The following PSKH1 variants were observed in gnomAD, a reference collection of about 807,000 sequenced individuals.
The protein encoded by PSKH1 is protein serine kinase H1.
In PSKH1, 12 loss-of-function variants were observed where a neutral mutation model predicts 26.7. The observed-to-expected ratio is 0.45, with a 90% CI of 0.29 to 0.73. PSKH1 has a LOEUF of 0.73. Among genes scored for constraint, PSKH1 ranks in the 30% least tolerant of loss-of-function variants. The pLI is 0.11. For synonymous variants in PSKH1, 213 were observed against 234.3 expected (o/e 0.91, Z 0.83); for missense variants, 431 against 595.2 (o/e 0.72, Z 2.87).
intron 1 of PSKH1, among the ~76,000 whole-genome samples, chr16:67,899,267 T>TC (rs974063139): frequency 1.2e-4 from 19 of 152,104 alleles, no homozygotes; most frequent in African/African-American, 4.1e-4. Context: ...TCTTGCCTCT[T>TC]CAACATTTCT....
chr16:67,900,486 C>T (rs2058138574), intron 1 of PSKH1, among the ~76,000 whole-genome samples: 1 of 152,158 alleles, frequency 6.6e-6, no homozygotes, highest in African/African-American at 2.4e-5. Context: ...TTCACCAACT[C>T]AGTGGCATGG....
At chr16:67,899,496 G>A (rs563268448) in intron 1 of PSKH1, among the ~76,000 whole-genome samples, 73 of 149,824 alleles carry the variant, frequency 4.9e-4, no homozygotes, top group East Asian at 3.0e-3. Context: ...CCACCACACC[G>A]GGCTAATTTT....
chr16:67,914,195 G>A (rs917809712), intron 2 of PSKH1, among the ~76,000 whole-genome samples: 1 of 152,132 alleles, frequency 6.6e-6, no homozygotes, highest in African/African-American at 2.4e-5. Flanking sequence ...TGTTGCCCAG[G>A]CTGGAGTGCA....
chr16:67,901,322 C>T (rs972332328), intron 1 of PSKH1, among the ~76,000 whole-genome samples: 5 of 152,066 alleles, frequency 3.3e-5, no homozygotes, highest in Non-Finnish European at 7.3e-5. Flanking sequence ...TGCCGACTGA[C>T]TTTATTTTGT....
In PSKH1 at chr16:67,909,243, A is replaced by G. The variant is rs751693739; in HGVS notation, c.494A>G (p.Gln165Arg). 5.0e-6 allele frequency: 8 copies of G among 1,614,142 alleles called. 1 individual carries two copies. The East Asian group carries it at 1.3e-4, about 27-fold the overall frequency. ...CAGCTGGTGGAGGTGTTCGAGACAC[A>G]GGAGCGGGTGTACATGGTGATGGAG... Reference protein sequence around the residue: ...IIQLVEVFETQERVYMVMELA... With the variant: ...IIQLVEVFETRERVYMVMELA... The change falls in exon 2 of 3, where the codon CAG (glutamine) becomes CGG (arginine). Residue 165 changes from glutamine (Q) to arginine (R), a missense_variant. Transcript: ENST00000291041. This position sits in a 1 kb window ranked among gnomAD's most constrained non-coding sequence, Gnocchi z 7.8.
chr16:67,923,525 A>G (rs925214736), intron 2 of PSKH1, among the ~76,000 whole-genome samples: 6 of 152,212 alleles, frequency 3.9e-5, no homozygotes, highest in Admixed American at 6.5e-5. Flanking sequence ...CACCCTGGGT[A>G]TGGAAGCTGT....
At chr16:67,921,798 T>C (rs1357407244) in intron 2 of PSKH1, among the ~76,000 whole-genome samples, 1 of 152,142 alleles carries the variant, frequency 6.6e-6, no homozygotes, top group Non-Finnish European at 1.5e-5. Flanking sequence ...AATAGCATCC[T>C]TCTCGATCTT....
Position 67,922,083 on chromosome 16 carries a change from C to A in PSKH1, c.958-5242C>A, listed in dbSNP as rs186512243. Among the ~76,000 whole-genome samples, 34 of 152,088 alleles carry A rather than the reference C, an allele frequency of 2.2e-4. No individual in the cohort carries two copies. The East Asian group carries it at 6.6e-3, about 29-fold the overall frequency. ...CTTCCCTTTTCTGTTGCTTGCCCCT[C>A]ACCCGCCCTCTGCCGAGTCCCAGGG... On this transcript the variant is annotated intron_variant, in intron 2 of 2. Coordinates refer to ENST00000291041, the MANE Select transcript of PSKH1 (RefSeq NM_006742.3).
In PSKH1 at chr16:67,911,334, C is replaced by T. The variant is rs181228469; in HGVS notation, c.957+1628C>T. On this transcript the variant is annotated intron_variant, in intron 2 of 2. Transcript: ENST00000291041. ...CTTCCTTCTGTGGCCCAGCTTTCCT[C>T]CCAGGGGTGTGGGCTGGGCCTTTTC... Among the ~76,000 whole-genome samples the T allele has an allele frequency of 1.3e-3, 196 of 152,324 alleles. 2 individuals are homozygous for T. Among genetic ancestry groups the T allele is most frequent in the Middle Eastern group, 0.01 (3 of 294 alleles).
chr16:67,896,227 GCCT>G (rs1213817515), intron 1 of PSKH1, among the ~76,000 whole-genome samples: 1 of 151,732 alleles, frequency 6.6e-6, no homozygotes, highest in Non-Finnish European at 1.5e-5. Flanking sequence ...TCCTGTCTCA[GCCT>G]CCTCAGTAGC....
chr16:67,908,640 T>G, intron 1 of PSKH1, 40 bp from the exon 2 acceptor site: 1 of 926,492 alleles, frequency 1.1e-6, no homozygotes, highest in East Asian at 2.6e-5. Context: ...TTCCTTAGAG[T>G]TGGCCTGGCT....
chr16:67,910,723 G>A (rs35662882), intron 2 of PSKH1, among the ~76,000 whole-genome samples: 3,093 of 152,264 alleles, frequency 0.02, 43 homozygotes, highest in Middle Eastern at 0.034. Context: ...GCCTGGTCTC[G>A]AACTCCAGAC....
chr16:67,925,231 C>G (rs1475727820), intron 2 of PSKH1, among the ~76,000 whole-genome samples: 2 of 150,656 alleles, frequency 1.3e-5, no homozygotes, highest in Non-Finnish European at 2.9e-5. Context: ...GAGTCTCGCT[C>G]TGTTGCCAGG....
Position 67,909,551 on chromosome 16 carries a change from G to A in PSKH1, c.802G>A (p.Val268Ile), listed in dbSNP as rs1008475522. 1.9e-6 allele frequency: 3 copies of A among 1,613,802 alleles called. No homozygotes were observed. The highest frequency in any genetic ancestry group is 8.5e-7 in the Non-Finnish European group (1 of 1,180,048). The change falls in exon 2 of 3, where the codon GTC becomes ATC. Residue 268 changes from valine (V) to isoleucine (I), a missense_variant. Coordinates refer to ENST00000291041, the MANE Select transcript of PSKH1 (RefSeq NM_006742.3). This position sits in a 1 kb window ranked among gnomAD's most constrained non-coding sequence, Gnocchi z 7.8. ...CGTPEYIAPE[V>I]LVRKPYTNSV... is the part of the protein sequence containing the mutation. ...CACGCCTGAGTACATTGCCCCAGAA[G>A]TCCTGGTCCGCAAGCCATACACCAA...
intron 1 of PSKH1, among the ~76,000 whole-genome samples, chr16:67,905,522 A>G (rs1319206087): frequency 6.6e-6 from 1 of 152,174 alleles, no homozygotes; most frequent in Non-Finnish European, 1.5e-5. Context: ...TCTACATTAT[A>G]TACTATTGGT....
chr16:67,920,456 T>A (rs1311241396), intron 2 of PSKH1, among the ~76,000 whole-genome samples: 3 of 151,958 alleles, frequency 2.0e-5, no homozygotes, highest in African/African-American at 7.3e-5. Flanking sequence ...AGAGATAGGG[T>A]CTATGTTGCC....
rs568367389 is a variant in PSKH1 at position 67,917,068 on chromosome 16, G to T, written c.957+7362G>T. 7.2e-5 allele frequency among the ~76,000 whole-genome samples: 11 copies of T among 152,332 alleles called. No homozygotes were observed. The South Asian group carries it at 2.3e-3, about 32-fold the overall frequency. ...GTATCGGTCTTAGTTGTTTCCTTTA[G>T]AAATAATGCTGCCTACTGCCATTGT... On this transcript the variant is annotated intron_variant, in intron 2 of 2. Transcript: ENST00000291041.
In PSKH1 at chr16:67,911,162, G is replaced by T. The variant is rs1369408483; in HGVS notation, c.957+1456G>T. Among the ~76,000 whole-genome samples, 7 of 152,210 alleles carry T rather than the reference G, an allele frequency of 4.6e-5. 1 individual carries two copies. ...TTTATGTGGGAGGGAGGTGAGCTTG[G>T]CAGGATGACAAGATTTTGCCAAGGC... On this transcript the variant is annotated intron_variant, in intron 2 of 2. Transcript: ENST00000291041.
At chr16:67,914,153 A>AT (rs937835400) in intron 2 of PSKH1, among the ~76,000 whole-genome samples, 337 of 146,738 alleles carry the variant, frequency 2.3e-3, no homozygotes, top group African/African-American at 6.4e-3. Flanking sequence ...CTGAAACTGA[A>AT]TTTTTTTTTT....
Sources: allele counts gnomAD v4.1 joint callset (sites outside exome capture counted in the v4.1 genomes callset), GRCh38; gene constraint gnomAD v4.1.1; non-coding constraint Gnocchi (gnomAD v3.1); transcripts MANE v1.5; gene names NCBI Gene and HGNC (gene_info 2026-07-23, HGNC 2026-07-21).